Variants in DUSP8 observed in about 807,000 individuals in gnomAD.
DUSP8 encodes the protein dual specificity phosphatase 8, also known as dual specificity protein phosphatase 8.
DUSP8 carries 15 observed loss-of-function variants against 38.7 expected under a neutral mutation model. The ratio of observed to expected loss-of-function variants is 0.39; its 90% CI spans 0.26 to 0.60. The LOEUF is 0.60. Ranked by LOEUF, DUSP8 falls within the 20% of genes least tolerant of loss-of-function variation. The pLI, the probability that DUSP8 is intolerant of heterozygous loss-of-function variation, is 0.56. For missense variants in DUSP8, 768 were observed against 915.0 expected (o/e 0.84, Z 2.07); for synonymous variants, 458 against 433.9 (o/e 1.06, Z -0.69).
At chr11:1,568,060 C>A (rs1313038930) in intron 1 of DUSP8, among the ~76,000 whole-genome samples, 3 of 152,206 alleles carry the variant, frequency 2.0e-5, no homozygotes, top group African/African-American at 4.8e-5. Flanking sequence ...AGACCCAGAA[C>A]CCCGAGAAGG....
At chr11:1,564,114 C>T (rs1848765158) in intron 2 of DUSP8, 125 bp from the exon 3 acceptor site, 1 of 1,216,580 alleles carries the variant, frequency 8.2e-7, no homozygotes, top group Admixed American at 3.5e-5. Flanking sequence ...CAGCTGTCAC[C>T]TTGCTGCCTG....
chr11:1,564,229 C>T (rs533706310), intron 2 of DUSP8, among the ~76,000 whole-genome samples: 1 of 152,238 alleles, frequency 6.6e-6, no homozygotes, highest in Non-Finnish European at 1.5e-5. Flanking sequence ...GGGGTGGACT[C>T]CTGCCCTGCG....
At chr11:1,565,147 C>T (rs1340663351) in intron 2 of DUSP8, among the ~76,000 whole-genome samples, 1 of 152,172 alleles carries the variant, frequency 6.6e-6, no homozygotes, top group Non-Finnish European at 1.5e-5. Flanking sequence ...TGCCTTTTGA[C>T]CACCCCTCCT....
At chr11:1,561,537 G>A (rs974352839) in intron 3 of DUSP8, among the ~76,000 whole-genome samples, 3 of 152,244 alleles carry the variant, frequency 2.0e-5, no homozygotes, top group Admixed American at 6.5e-5. Context: ...ATCCCTTGCC[G>A]CTTGCCCCCC....
At chr11:1,561,388 C>G (rs907330635) in intron 3 of DUSP8, among the ~76,000 whole-genome samples, 10 of 152,230 alleles carry the variant, frequency 6.6e-5, no homozygotes, top group African/African-American at 2.4e-4. Context: ...CACAGACGCA[C>G]TTCTGCCCGC....
intron 1 of DUSP8, among the ~76,000 whole-genome samples, chr11:1,567,258 C>T (rs951399504): frequency 6.6e-6 from 1 of 152,174 alleles, no homozygotes; most frequent in Non-Finnish European, 1.5e-5. Context: ...CGGTGGGTAG[C>T]GGGCCCTCAG....
chr11:1,565,847 G>C lies in DUSP8; in HGVS notation c.-21C>G, dbSNP rs1848794775. 6.3e-7 allele frequency: 1 copy of C among 1,593,940 alleles called. No homozygotes were observed. ...GCCATGGTGGGGCAATGGGTGCTGG[G>C]GAGGGTGACCCCTGAAGTGAGGAGG... is the stretch of plus-strand genomic sequence containing the variant. On this transcript the variant is annotated 5_prime_UTR_variant, in exon 2 of 7. Transcript: ENST00000397374.
intron 1 of DUSP8, among the ~76,000 whole-genome samples, chr11:1,569,373 T>G (rs1218531164): frequency 6.6e-6 from 1 of 152,158 alleles, no homozygotes; most frequent in Admixed American, 6.5e-5. Flanking sequence ...CACTGCCCTC[T>G]GTGCGTGCCA....
At chr11:1,561,817 C>CG (rs1848721471) in intron 3 of DUSP8, among the ~76,000 whole-genome samples, 1 of 152,164 alleles carries the variant, frequency 6.6e-6, no homozygotes. Context: ...CCCTGCCCCC[C>CG]CCAATATATT....
At chr11:1,564,835 G>A (rs909529188) in intron 2 of DUSP8, among the ~76,000 whole-genome samples, 1 of 152,212 alleles carries the variant, frequency 6.6e-6, no homozygotes, top group East Asian at 1.9e-4. Flanking sequence ...CATCCCACTT[G>A]AGTCCTCCCA....
rs1399663400 is a variant in DUSP8, at chr11:1,556,900, G to A, written c.1496C>T (p.Pro499Leu). Reference protein sequence around the residue: ...SALSAPGLPGPGQPAGPGAWA... With the variant: ...SALSAPGLPGLGQPAGPGAWA... ...GGCCCCGGGGCCGGCCGGCTGGCCA[G>A]GGCCGGGCAGCCCGGGCGCCGACAG... Residue 499 changes from proline (P) to leucine (L), a missense_variant, in exon 7 of 7, where the codon CCT (proline) becomes CTT (leucine). Around this residue, in one of 3 missense-constraint regions of DUSP8, gnomAD observed 474 missense variants for 430.8 expected, o/e 1.10. Transcript: ENST00000397374. This position sits in a 1 kb window ranked among gnomAD's most constrained non-coding sequence, Gnocchi z 5.2. 2.3e-5 allele frequency: 25 copies of A among 1,091,902 alleles called. No homozygotes were observed. Among genetic ancestry groups the A allele is most frequent in the Non-Finnish European group, 2.8e-5 (25 of 900,260 alleles). The allele number at this position is 1,091,902 out of a possible 1,614,324, so 67.6% of individuals were successfully genotyped here. A position where few individuals can be genotyped will look rare whatever the true frequency, so the allele number is the denominator to read the frequency against.
Position 1,555,430 on chromosome 11 carries a change from G to GC in DUSP8, c.*1087dup. On this transcript the variant is annotated 3_prime_UTR_variant, in exon 7 of 7. Coordinates refer to ENST00000397374, the MANE Select transcript of DUSP8 (RefSeq NM_004420.3). ...TGTGTGAGCAGCACCTGCTCACAGA[G>GC]CCCCTCAGCCTGCAGGTGCACACCT... 2.0e-6 allele frequency: 2 copies of GC among 986,248 alleles called. No individual in the cohort carries two copies. The highest frequency in any genetic ancestry group is 2.4e-6 in the Non-Finnish European group (2 of 830,012). 61.1% of individuals were successfully genotyped at this position (986,248 alleles called of 1,614,324 possible). A position where few individuals can be genotyped will look rare whatever the true frequency, so the allele number is the denominator to read the frequency against.
chr11:1,563,749 T>A lies in DUSP8; in HGVS notation c.370+102A>T, dbSNP rs1848756903. 2.4e-6 allele frequency: 3 copies of A among 1,255,050 alleles called. No individual in the cohort carries two copies. In the South Asian group the frequency reaches 5.0e-5, roughly 21 times the overall value. 77.7% of individuals were successfully genotyped at this position (1,255,050 alleles called of 1,614,324 possible). On this transcript the variant is annotated intron_variant, in intron 3 of 6. Transcript: ENST00000397374. ...CTCAAGAACCACAGATGTATGGAGA[T>A]CCCCCCGTGCCCAGCGGACACCTCC...
intron 3 of DUSP8, 132 bp downstream of exon 3, chr11:1,563,719 G>T: frequency 1.1e-6 from 1 of 932,656 alleles, no homozygotes; most frequent in Non-Finnish European, 1.5e-6. Context: ...AGAGGATGGT[G>T]GGGCCTCAAG....
rs1590805233 is a variant in DUSP8 at position 1,563,979 on chromosome 11, G to A, written c.242C>T (p.Thr81Met). The A allele has an allele frequency of 1.3e-6, 2 of 1,485,744 alleles. No individual in the cohort carries two copies. The highest frequency in any genetic ancestry group is 2.3e-5 in the Admixed American group (1 of 43,018). The allele number at this position is 1,485,744 out of a possible 1,614,324, so 92.0% of individuals were successfully genotyped here. Residue 81 changes from threonine to methionine, a missense_variant, in exon 3 of 7, where the codon ACG becomes ATG. Thr to Met is a moderately conservative substitution (Grantham distance 81). Around this residue, in one of 3 missense-constraint regions of DUSP8, gnomAD observed 252 missense variants for 410.4 expected, o/e 0.61. Transcript: ENST00000397374. ...ATAGACCACCACGTCCTGTGGCTCC[G>A]TAGCCTCCACCTGGGGGCCATGGGG... The part of the protein sequence containing the change: ...QPAARSQVEA[T>M]EPQDVVVYDQ...
chr11:1,561,423 C>T (rs985392462), intron 3 of DUSP8, among the ~76,000 whole-genome samples: 16 of 152,354 alleles, frequency 1.1e-4, no homozygotes, highest in African/African-American at 3.1e-4. Flanking sequence ...CTGGACTCCC[C>T]GCCAGGGCGG....
intron 3 of DUSP8, among the ~76,000 whole-genome samples, chr11:1,561,052 G>A (rs1003833201): frequency 1.3e-5 from 2 of 152,160 alleles, no homozygotes; most frequent in African/African-American, 2.4e-5. Context: ...CACTGTGGAT[G>A]CCAGGCCTAG....
intron 1 of DUSP8, among the ~76,000 whole-genome samples, chr11:1,568,099 G>T (rs1848832364): frequency 6.6e-6 from 1 of 152,170 alleles, no homozygotes; most frequent in Non-Finnish European, 1.5e-5. Context: ...TTGGGCTGGG[G>T]GTCTTTTGAG....
At position 1,557,502 on chromosome 11, in the gene DUSP8, G is replaced by A. The variant is rs1848654951; in HGVS notation, c.894C>T (p.Arg298=). 1.3e-6 allele frequency: 2 copies of A among 1,587,126 alleles called. No individual in the cohort carries two copies. Among genetic ancestry groups the A allele is most frequent in the Non-Finnish European group, 1.7e-6 (2 of 1,175,432 alleles). Residue 298 remains arginine, a synonymous_variant, in exon 7 of 7, where the codon CGC becomes CGT. Coordinates refer to ENST00000397374, the MANE Select transcript of DUSP8 (RefSeq NM_004420.3). This position sits in a 1 kb window ranked among gnomAD's most constrained non-coding sequence, Gnocchi z 9.9. ...GCAGGGCGGCCAGCAGCTTCAGGCT[G>A]CGCTCGTACTCCAGCAGCTGGCCCA... ...NFLGQLLEYE[R]SLKLLAALQG...
Sources: gnomAD v4.1 joint callset for allele counts (sites outside exome capture counted in the v4.1 genomes callset) on GRCh38, gnomAD v4.1.1 for gene constraint, gnomAD v4.1.1 regional missense constraint, Gnocchi (gnomAD v3.1) non-coding constraint, MANE v1.5 for transcripts, NCBI Gene and HGNC (gene_info 2026-07-23, HGNC 2026-07-21) for gene names.